KCNMB2: variants seen among roughly 807,000 people sequenced by gnomAD.
KCNMB2 encodes calcium-activated potassium channel subunit beta-2.
KCNMB2 carries 9 observed loss-of-function variants against 24.5 expected under a neutral mutation model. The observed-to-expected ratio is 0.37, with a 90% CI of 0.22 to 0.64. The LOEUF (loss-of-function observed/expected upper bound fraction) is 0.64, where lower values mean the gene tolerates loss of function less well. Ranked by LOEUF, KCNMB2 falls within the 30% of genes least tolerant of loss-of-function variation. The probability of loss-of-function intolerance (pLI) is 0.63; values close to 1 mark genes in which losing one functional copy is unlikely to be tolerated. For synonymous variants in KCNMB2, 109 were observed against 104.4 expected, an observed-to-expected ratio of 1.04 and a Z score of -0.27; for missense variants, 226 against 284.3, an observed-to-expected ratio of 0.79 and a Z score of 1.47.
chr3:178,724,835 G>T (rs1285485555), intron 1 of KCNMB2, among the ~76,000 whole-genome samples: 3 of 151,910 alleles, frequency 2.0e-5, no homozygotes, highest in Non-Finnish European at 4.4e-5. Flanking sequence ...TTATTTCAGG[G>T]GTCTGTATTC....
intron 1 of KCNMB2, among the ~76,000 whole-genome samples, chr3:178,697,032 C>A (rs990019965): frequency 6.6e-6 from 1 of 151,940 alleles, no homozygotes; most frequent in African/African-American, 2.4e-5. Context: ...TGAATGTGAC[C>A]AATTTTAGAG....
chr3:178,788,880 T>C (rs1233137569), intron 1 of KCNMB2, among the ~76,000 whole-genome samples: 1 of 152,208 alleles, frequency 6.6e-6, no homozygotes, highest in Non-Finnish European at 1.5e-5. Flanking sequence ...AGCAGAGGCA[T>C]TGTCTGATAT....
chr3:178,673,164 T>C (rs938382538), intron 1 of KCNMB2, among the ~76,000 whole-genome samples: 7 of 152,086 alleles, frequency 4.6e-5, no homozygotes, highest in African/African-American at 1.7e-4. Context: ...ATTACAATCA[T>C]TCAGAAAAAC....
chr3:178,833,555 C>T (rs367961565), intron 4 of KCNMB2, among the ~76,000 whole-genome samples: 2 of 152,112 alleles, frequency 1.3e-5, no homozygotes, highest in East Asian at 3.9e-4. Flanking sequence ...CAATTTTCAA[C>T]GTCAACTCCC....
At chr3:178,833,609 C>T (rs564468515) in intron 4 of KCNMB2, among the ~76,000 whole-genome samples, 1 of 152,288 alleles carries the variant, frequency 6.6e-6, no homozygotes, top group Admixed American at 6.5e-5. Context: ...AATGGTCTCC[C>T]TCACAGTTAC....
chr3:178,641,870 A>G (rs1180083986), intron 1 of KCNMB2, among the ~76,000 whole-genome samples: 1 of 152,098 alleles, frequency 6.6e-6, no homozygotes, highest in African/African-American at 2.4e-5. Flanking sequence ...TGAATGGGTA[A>G]ATCTTATTTT....
At chr3:178,787,696 A>C (rs1713164645) in intron 1 of KCNMB2, among the ~76,000 whole-genome samples, 1 of 152,136 alleles carries the variant, frequency 6.6e-6, no homozygotes, top group Non-Finnish European at 1.5e-5. Context: ...TGTCATGAAG[A>C]ATTAATGGAA....
chr3:178,573,746 CAAAAAAAAAAAA>C (rs11348394), intron 1 of KCNMB2, among the ~76,000 whole-genome samples: 5 of 78,986 alleles, frequency 6.3e-5, no homozygotes, highest in Admixed American at 1.6e-4. Flanking sequence ...GACCCTGTCT[CAAAAAAAAAAAA>C]AAAAAAAAAA....
intron 1 of KCNMB2, among the ~76,000 whole-genome samples, chr3:178,780,507 G>A (rs1187972786): frequency 1.3e-5 from 2 of 152,182 alleles, no homozygotes; most frequent in East Asian, 1.9e-4. Context: ...GGATGTCCAT[G>A]ACATAAATGA....
intron 1 of KCNMB2, among the ~76,000 whole-genome samples, chr3:178,612,847 A>T (rs1718541272): frequency 6.6e-6 from 1 of 152,006 alleles, no homozygotes; most frequent in Non-Finnish European, 1.5e-5. Context: ...CCTCTAGTGA[A>T]GGTGATTTTC....
At chr3:178,630,671 T>C (rs892332819) in intron 1 of KCNMB2, among the ~76,000 whole-genome samples, 1 of 152,220 alleles carries the variant, frequency 6.6e-6, no homozygotes, top group African/African-American at 2.4e-5. Flanking sequence ...GGGCAACAGA[T>C]ACCATGCCAT....
chr3:178,722,551 T>C (rs1181481213), intron 1 of KCNMB2, among the ~76,000 whole-genome samples: 1 of 152,118 alleles, frequency 6.6e-6, no homozygotes, highest in African/African-American at 2.4e-5. Flanking sequence ...GATAACGACA[T>C]TAATCTATTC....
Position 178,777,409 on chromosome 3 carries a change from G to A in KCNMB2, c.-67-29934G>A, listed in dbSNP as rs376432271. Among the ~76,000 whole-genome samples, 6 of 152,272 alleles carry A rather than the reference G, an allele frequency of 3.9e-5. No homozygotes were observed. The East Asian group carries it at 5.8e-4, about 15-fold the overall frequency. Reference sequence around the variant, plus strand: ...AGATCACGCCACTGCACTCCAGCCCGGGTGACAGTGCAAGACTCCGTCTCA... The same window carrying A: ...AGATCACGCCACTGCACTCCAGCCCAGGTGACAGTGCAAGACTCCGTCTCA... On this transcript the variant is annotated intron_variant, in intron 1 of 4. Transcript: ENST00000452583.
chr3:178,651,431 A>G (rs1197530862), intron 1 of KCNMB2, among the ~76,000 whole-genome samples: 1 of 152,222 alleles, frequency 6.6e-6, no homozygotes, highest in African/African-American at 2.4e-5. Context: ...GACACAAACA[A>G]ATGGAAAAAC....
At chr3:178,629,232 G>T (rs1560138508) in intron 1 of KCNMB2, among the ~76,000 whole-genome samples, 1 of 151,944 alleles carries the variant, frequency 6.6e-6, no homozygotes, top group Non-Finnish European at 1.5e-5. Context: ...ACATTTTTCT[G>T]CATTTATATA....
At chr3:178,642,746 T>A (rs937121802) in intron 1 of KCNMB2, among the ~76,000 whole-genome samples, 4 of 152,232 alleles carry the variant, frequency 2.6e-5, no homozygotes, top group Non-Finnish European at 5.9e-5. Flanking sequence ...ATATCACCAA[T>A]TTAAAATTTG....
At chr3:178,824,381 T>A (rs1714748983) in intron 2 of KCNMB2, among the ~76,000 whole-genome samples, 1 of 152,138 alleles carries the variant, frequency 6.6e-6, no homozygotes, top group Non-Finnish European at 1.5e-5. Flanking sequence ...TGTCTTTTTT[T>A]TTTCGAGATG....
chr3:178,541,793 A>G (rs957135917), intron 1 of KCNMB2, among the ~76,000 whole-genome samples: 2 of 152,158 alleles, frequency 1.3e-5, no homozygotes, highest in African/African-American at 2.4e-5. Flanking sequence ...AAGAATTAAT[A>G]TCAGTATGTT....
intron 1 of KCNMB2, among the ~76,000 whole-genome samples, chr3:178,581,692 A>G (rs1717212082): frequency 1.3e-5 from 2 of 152,214 alleles, no homozygotes; most frequent in Non-Finnish European, 2.9e-5. Context: ...AACGCCATCA[A>G]AAAAGTGGGC....
Sources: gnomAD v4.1 joint callset for allele counts (sites outside exome capture counted in the v4.1 genomes callset) on GRCh38, gnomAD v4.1.1 for gene constraint, MANE v1.5 for transcripts, NCBI Gene and HGNC (gene_info 2026-07-23, HGNC 2026-07-21) for gene names.